DPF3: variants seen among roughly 807,000 people sequenced by gnomAD.
The protein encoded by DPF3 is double PHD fingers 3.
DPF3 carries 18 observed loss-of-function variants against 56.8 expected under a neutral mutation model. That is an observed-to-expected ratio of 0.32 (90% confidence interval 0.22 to 0.47). DPF3 has a LOEUF of 0.47. Among genes scored for constraint, DPF3 ranks in the 20% least tolerant of loss-of-function variants. The pLI, the probability that DPF3 is intolerant of heterozygous loss-of-function variation, is 1.00. For missense variants in DPF3, 403 were observed against 488.8 expected (o/e 0.82, Z 1.65); for synonymous variants, 188 against 180.2 (o/e 1.04, Z -0.35).
intron 1 of DPF3, among the ~76,000 whole-genome samples, chr14:72,823,141 C>T (rs2140037680): frequency 6.6e-6 from 1 of 152,258 alleles, no homozygotes; most frequent in East Asian, 1.9e-4. Flanking sequence ...AGGTTTTAAG[C>T]TCACCAGGCC....
chr14:72,672,661 T>A (rs1886740489), intron 8 of DPF3, among the ~76,000 whole-genome samples: 1 of 152,198 alleles, frequency 6.6e-6, no homozygotes, highest in Middle Eastern at 3.4e-3. Context: ...AGGCTTTGCA[T>A]AGAAAAAAAC....
chr14:72,744,035 G>A (rs1295442088), intron 3 of DPF3, among the ~76,000 whole-genome samples: 1 of 152,212 alleles, frequency 6.6e-6, no homozygotes, highest in Non-Finnish European at 1.5e-5. Context: ...ACATTTGGCA[G>A]GAGAAACACA....
At chr14:72,743,084 C>T (rs1479427575) in intron 3 of DPF3, among the ~76,000 whole-genome samples, 1 of 152,134 alleles carries the variant, frequency 6.6e-6, no homozygotes, top group East Asian at 1.9e-4. Context: ...TCATCCTGGT[C>T]GTTCATCCCC....
intron 1 of DPF3, among the ~76,000 whole-genome samples, chr14:72,845,519 A>G (rs1884714585): frequency 6.6e-6 from 1 of 152,178 alleles, no homozygotes; most frequent in South Asian, 2.1e-4. Flanking sequence ...TGAGGCCCTA[A>G]ACACCAGGAA....
At chr14:72,663,749 G>T (rs1886326341) in intron 8 of DPF3, among the ~76,000 whole-genome samples, 1 of 152,154 alleles carries the variant, frequency 6.6e-6, no homozygotes, top group South Asian at 2.1e-4. Flanking sequence ...GGAGGGAGAA[G>T]AGGGAGAATG....
At chr14:72,682,833 T>C (rs1887218134) in intron 7 of DPF3, among the ~76,000 whole-genome samples, 1 of 152,188 alleles carries the variant, frequency 6.6e-6, no homozygotes, top group African/African-American at 2.4e-5. Flanking sequence ...ACGTCTGCCC[T>C]ACATGGGATA....
At chr14:72,774,054 G>A (rs1891656984) in intron 1 of DPF3, 2 of 444,262 alleles carry the variant, frequency 4.5e-6, no homozygotes, top group Non-Finnish European at 4.5e-6. Flanking sequence ...GGAGGCTGAG[G>A]TGGGTGGATC....
chr14:72,726,610 G>A (rs1889417361), intron 4 of DPF3, among the ~76,000 whole-genome samples: 1 of 152,146 alleles, frequency 6.6e-6, no homozygotes, highest in African/African-American at 2.4e-5. Flanking sequence ...GGAGGAGCCA[G>A]GAGTTTCTAA....
chr14:72,672,074 C>A (rs899662635), intron 8 of DPF3, among the ~76,000 whole-genome samples: 1 of 151,992 alleles, frequency 6.6e-6, no homozygotes, highest in Admixed American at 6.6e-5. Context: ...CACACACACA[C>A]ACACACACAC....
At chr14:72,671,197 G>T (rs1269994010) in intron 8 of DPF3, 1 of 1,613,878 alleles carries the variant, frequency 6.2e-7, no homozygotes, top group Non-Finnish European at 8.5e-7. Flanking sequence ...TCCTCGACAG[G>T]AGCGAGGCTC....
At chr14:72,754,176 A>C (rs1188583783) in intron 2 of DPF3, among the ~76,000 whole-genome samples, 2 of 152,172 alleles carry the variant, frequency 1.3e-5, no homozygotes, top group Admixed American at 6.5e-5. Context: ...CGGGCCTTAG[A>C]GGAACAGGGA....
intron 8 of DPF3, among the ~76,000 whole-genome samples, chr14:72,650,958 T>C (rs187975742): frequency 9.2e-5 from 14 of 152,318 alleles, no homozygotes; most frequent in Non-Finnish European, 1.5e-4. Flanking sequence ...ACAACTTTCT[T>C]AAAGAGGATA....
chr14:72,704,986 T>C (rs12431623), intron 6 of DPF3, among the ~76,000 whole-genome samples: 3,575 of 152,250 alleles, frequency 0.023, 57 homozygotes, highest in Middle Eastern at 0.068. Context: ...ATCCTACAGA[T>C]CAACCTTCCT....
intron 1 of DPF3, among the ~76,000 whole-genome samples, chr14:72,826,119 T>C (rs1883789964): frequency 6.6e-6 from 1 of 151,868 alleles, no homozygotes; most frequent in Admixed American, 6.6e-5. Flanking sequence ...CTTGAAAGAG[T>C]TGTCTTGAGA....
At chr14:72,791,134 C>G (rs1368897041) in intron 1 of DPF3, among the ~76,000 whole-genome samples, 1 of 152,208 alleles carries the variant, frequency 6.6e-6, no homozygotes, top group Non-Finnish European at 1.5e-5. Context: ...CCCCACTCCC[C>G]CGACCTAGCC....
At chr14:72,763,531 T>A (rs1891143513) in intron 2 of DPF3, among the ~76,000 whole-genome samples, 2 of 152,120 alleles carry the variant, frequency 1.3e-5, no homozygotes, top group African/African-American at 4.8e-5. Context: ...AACAATTGAA[T>A]ATCCATCTGC....
At chr14:72,797,425 A>G (rs1257983116) in intron 1 of DPF3, among the ~76,000 whole-genome samples, 1 of 152,228 alleles carries the variant, frequency 6.6e-6, no homozygotes, top group Non-Finnish European at 1.5e-5. Flanking sequence ...CAGAGGCAGG[A>G]GTCAATGTCT....
intron 1 of DPF3, among the ~76,000 whole-genome samples, chr14:72,837,001 C>T (rs1282224917): frequency 1.3e-5 from 2 of 152,098 alleles, no homozygotes; most frequent in Admixed American, 1.3e-4. Flanking sequence ...TCCTGAGTAG[C>T]TGGAATTACA....
chr14:72,725,447 G>T (rs1381954777), intron 4 of DPF3, among the ~76,000 whole-genome samples: 2 of 152,012 alleles, frequency 1.3e-5, no homozygotes, highest in African/African-American at 4.8e-5. Context: ...GGAGGGAAAA[G>T]GTTCTAGGCA....
Sources: allele counts gnomAD v4.1 joint callset (sites outside exome capture counted in the v4.1 genomes callset), GRCh38; gene constraint gnomAD v4.1.1; transcripts MANE v1.5; gene names NCBI Gene and HGNC (gene_info 2026-07-23, HGNC 2026-07-21).